Variants in CAPN15 observed in about 807,000 individuals in gnomAD.
The protein encoded by CAPN15 is calpain 15.
In CAPN15, 53 loss-of-function variants were observed where a neutral mutation model predicts 97.9. The ratio of observed to expected loss-of-function variants is 0.54; its 90% confidence interval spans 0.43 to 0.68. The LOEUF (loss-of-function observed/expected upper bound fraction) is 0.68. Among genes scored for constraint, CAPN15 ranks in the 30% least tolerant of loss-of-function variants. The pLI is 0.00. For synonymous variants in CAPN15, 922 were observed against 722.5 expected, an observed-to-expected ratio of 1.28 and a Z score of -4.43; for missense variants, 1,592 against 1,589.8, an observed-to-expected ratio of 1.00 and a Z score of -0.02.
chr16:540,546 G>A lies in CAPN15; in HGVS notation c.-23+4404G>A, dbSNP rs542795469. On this transcript the variant is annotated intron_variant, in intron 3 of 13. Coordinates refer to ENST00000219611, the MANE Select transcript of CAPN15 (RefSeq NM_005632.3). ...TGAGCAGGTCTGAGACCCCGGCCTC[G>A]GCCTGGCTGGTTGGTGGTGGGGATG... 5.9e-5 allele frequency among the ~76,000 whole-genome samples: 9 copies of A among 152,324 alleles called. No homozygotes were observed. In the South Asian group the frequency reaches 8.3e-4, roughly 14 times the overall value.
chr16:543,092 G>A (rs2034259863), intron 3 of CAPN15, among the ~76,000 whole-genome samples: 2 of 152,062 alleles, frequency 1.3e-5, no homozygotes, highest in African/African-American at 4.8e-5. Flanking sequence ...GGTCCAGGCT[G>A]CAATGAGCTG....
chr16:528,428 G>T (rs1320485572), intron 1 of CAPN15, among the ~76,000 whole-genome samples: 2 of 152,226 alleles, frequency 1.3e-5, no homozygotes, highest in Non-Finnish European at 2.9e-5. Context: ...TAGGGATGTT[G>T]TGCTTGGTGC....
intron 2 of CAPN15, 109 bp downstream of exon 2, chr16:534,107 C>A: frequency 3.0e-6 from 1 of 338,080 alleles, no homozygotes; most frequent in Non-Finnish European, 3.7e-6. Context: ...CCTCTCGGAG[C>A]CCTTGATTCA....
chr16:528,751 C>T, intron 1 of CAPN15: 1 of 985,356 alleles, frequency 1.0e-6, no homozygotes, highest in Middle Eastern at 5.2e-4. Context: ...ATGGTGAGGC[C>T]CAGAACCTGA....
chr16:541,169 G>A (rs567818192), intron 3 of CAPN15, among the ~76,000 whole-genome samples: 12 of 152,376 alleles, frequency 7.9e-5, no homozygotes, highest in Admixed American at 5.9e-4. Context: ...AGGGACGGGC[G>A]TGGAGCTGCA....
intron 7 of CAPN15, 34 bp downstream of exon 7, chr16:549,872 T>TGGGAG (rs781514371): frequency 3.3e-6 from 5 of 1,501,996 alleles, no homozygotes; most frequent in Non-Finnish European, 3.6e-6. Flanking sequence ...TCAGCCGCGT[T>TGGGAG]GGGAGGAGAG....
At position 534,783 on chromosome 16, in the gene CAPN15, G is replaced by A. The variant is rs569922787; in HGVS notation, c.-137+785G>A. On this transcript the variant is annotated intron_variant, in intron 2 of 13. Transcript: ENST00000219611. ...CAGCTGCCTGGACACAGGGGCCCCCGCTTTCCATCTGCTGCCCCCCACACC... is the reference window on the plus strand; with the variant it reads ...CAGCTGCCTGGACACAGGGGCCCCCACTTTCCATCTGCTGCCCCCCACACC... Among the ~76,000 whole-genome samples, 471 of 152,310 alleles carry A rather than the reference G, an allele frequency of 3.1e-3. 1 individual carries two copies. Among genetic ancestry groups the A allele is most frequent in the Non-Finnish European group, 4.3e-3 (294 of 68,002 alleles).
Position 546,697 on chromosome 16 carries a change from A to AGGCCCTC in CAPN15, c.-22-114_-22-108dup, listed in dbSNP as rs1433826294. Reference sequence around the variant, plus strand: ...CCGCCTGCCTCAAATGCTCAGCCCTAGGCCCTCGGCCCCGTAGCTCTGCAG... The same window carrying AGGCCCTC: ...CCGCCTGCCTCAAATGCTCAGCCCTAGGCCCTCGGCCCTCGGCCCCGTAGCTCTGCAG... On this transcript the variant is annotated intron_variant, in intron 3 of 13. Coordinates refer to ENST00000219611, the MANE Select transcript of CAPN15 (RefSeq NM_005632.3). The AGGCCCTC allele has an allele frequency of 4.6e-6, 6 of 1,318,650 alleles. No homozygotes were observed. In the Admixed American group the frequency reaches 8.5e-5, roughly 19 times the overall value. The allele number at this position is 1,318,650 out of a possible 1,614,324, so 81.7% of individuals were successfully genotyped here. A position where few individuals can be genotyped will look rare whatever the true frequency, so the allele number is the denominator to read the frequency against.
intron 4 of CAPN15, among the ~76,000 whole-genome samples, chr16:548,511 T>G (rs1161300195): frequency 6.6e-6 from 1 of 152,184 alleles, no homozygotes; most frequent in Non-Finnish European, 1.5e-5. Context: ...ATGCACGACC[T>G]TCACCCCCCT....
intron 3 of CAPN15, among the ~76,000 whole-genome samples, chr16:545,118 G>A (rs2034496423): frequency 6.6e-6 from 1 of 151,966 alleles, no homozygotes; most frequent in Non-Finnish European, 1.5e-5. Flanking sequence ...AGGAGGTCAA[G>A]GCTGCAGTGA....
At chr16:529,835 C>A (rs184814925) in intron 1 of CAPN15, among the ~76,000 whole-genome samples, 1 of 152,194 alleles carries the variant, frequency 6.6e-6, no homozygotes, top group Non-Finnish European at 1.5e-5. Flanking sequence ...CGGCCCTGGA[C>A]CGTGAGGCTG....
At chr16:548,335 G>A (rs554713426) in intron 4 of CAPN15, 48 bp downstream of exon 4, 48 of 1,424,340 alleles carry the variant, frequency 3.4e-5, no homozygotes, top group Admixed American at 1.8e-4. Context: ...TCCTGCTCCC[G>A]CCCTCCCCTT....
intron 3 of CAPN15, among the ~76,000 whole-genome samples, chr16:542,769 T>G (rs1303357122): frequency 6.8e-6 from 1 of 146,146 alleles, no homozygotes; most frequent in Non-Finnish European, 1.5e-5. Context: ...AAAAAAAAAA[T>G]TTGGCCAGGC....
In CAPN15 at chr16:549,774, C is replaced by G. The variant is rs1376791131; in HGVS notation, c.2002C>G (p.Pro668Ala). 1 of 1,592,860 alleles carries G rather than the reference C, an allele frequency of 6.3e-7. No homozygotes were observed. Among genetic ancestry groups the G allele is most frequent in the Non-Finnish European group, 8.5e-7 (1 of 1,169,970 alleles). The change falls in exon 7 of 14, where the codon CCC (proline) becomes GCC (alanine). Residue 668 changes from proline (P) to alanine (A), a missense_variant. Pro to Ala is a conservative substitution (Grantham distance 27). Transcript: ENST00000219611. ...SLALQLSSTN[P>A]REEPVDTDLI... is the part of the protein sequence containing the mutation. Reference sequence around the variant, plus strand: ...GGCGCTGCAGCTCAGCTCCACTAACCCCCGCGAGGAGCCCGTTGACACTGA... The same window carrying G: ...GGCGCTGCAGCTCAGCTCCACTAACGCCCGCGAGGAGCCCGTTGACACTGA...
At chr16:540,026 A>G (rs890068393) in intron 3 of CAPN15, 3 of 951,650 alleles carry the variant, frequency 3.2e-6, no homozygotes, top group African/African-American at 3.5e-5. Flanking sequence ...GTGTGTGTGA[A>G]TCATGCTGTT....
At position 535,657 on chromosome 16, in the gene CAPN15, C is replaced by G. The variant is rs1319478791; in HGVS notation, c.-136-372C>G. 1.3e-5 allele frequency among the ~76,000 whole-genome samples: 2 copies of G among 152,130 alleles called. No individual in the cohort carries two copies. The highest frequency in any genetic ancestry group is 2.9e-5 in the Non-Finnish European group (2 of 67,992). On this transcript the variant is annotated intron_variant, in intron 2 of 13. Transcript: ENST00000219611. The surrounding 1 kb of genome is among the most constrained non-coding windows in gnomAD (Gnocchi z 6.2). The stretch of plus-strand genomic sequence containing the variant: ...CGGGGCCCTCCGCACCCTGCCCCTC[C>G]AGGGAGCCCAGAGGCGGGCGTGGCT...
rs751303296 is a variant in CAPN15 at position 546,832 on chromosome 16, C to T, written c.-7C>T. On this transcript the variant is annotated 5_prime_UTR_variant, in exon 4 of 14. Transcript: ENST00000219611. Reference sequence around the variant, plus strand: ...TCCCTTGCAGCCACACCCACTCGCCCGGGTCTATGGCCACGGTCGGAGAGT... The same window carrying T: ...TCCCTTGCAGCCACACCCACTCGCCTGGGTCTATGGCCACGGTCGGAGAGT... 47 of 1,593,640 alleles carry T rather than the reference C, an allele frequency of 2.9e-5. No individual in the cohort carries two copies. The highest frequency in any genetic ancestry group is 8.5e-5 in the Admixed American group (5 of 58,936).
chr16:551,822 A>G, intron 9 of CAPN15, 158 bp downstream of exon 9: 1 of 1,070,380 alleles, frequency 9.3e-7, no homozygotes, highest in Non-Finnish European at 1.4e-6. Context: ...TGCCAACCTC[A>G]GAATTCAGGT....
At position 549,280 on chromosome 16, in the gene CAPN15, C is replaced by G. The variant is rs2034825939; in HGVS notation, c.1659-8C>G. Reference sequence around the variant, plus strand: ...GTCCCCGCGAGGTCACCCTGAGGCTCTGCGCAGGTTCCTGAGCGCCCTGGC... The same window carrying G: ...GTCCCCGCGAGGTCACCCTGAGGCTGTGCGCAGGTTCCTGAGCGCCCTGGC... On this transcript the variant is annotated splice_region_variant and splice_polypyrimidine_tract_variant and intron_variant, in intron 5 of 13. Transcript: ENST00000219611. The G allele has an allele frequency of 6.3e-7, 1 of 1,579,138 alleles. No individual in the cohort carries two copies.
Sources: gnomAD v4.1 joint callset for allele counts (sites outside exome capture counted in the v4.1 genomes callset) on GRCh38, gnomAD v4.1.1 for gene constraint, Gnocchi (gnomAD v3.1) non-coding constraint, MANE v1.5 for transcripts, NCBI Gene and HGNC (gene_info 2026-07-23, HGNC 2026-07-21) for gene names.